The following CDH13 variants were observed in gnomAD, a reference collection of about 807,000 sequenced individuals.
CDH13 encodes cadherin-13.
A neutral mutation model predicts 63.8 loss-of-function variants in CDH13; 24 were observed. The observed-to-expected ratio is 0.38, with a 90% CI of 0.27 to 0.53. The LOEUF is 0.53. Ranked by LOEUF, CDH13 falls within the 20% of genes least tolerant of loss-of-function variation. The pLI is 0.85. For missense variants in CDH13, 1,049 were observed against 903.1 expected (o/e 1.16, Z -2.07); for synonymous variants, 503 against 355.3 (o/e 1.42, Z -4.67).
rs1417908809 is a variant in CDH13 at position 83,032,111 on chromosome 16, A to G, written c.259A>G (p.Ile87Val). The change falls in exon 3 of 14, where the codon ATA becomes GTA. Residue 87 changes from isoleucine to valine, a missense_variant. Coordinates refer to ENST00000567109, the MANE Select transcript of CDH13 (RefSeq NM_001257.5). ...SDGGLVALRN[I>V]TAVGKTLFVH... Reference sequence around the variant, plus strand: ...TGGCGGCTTAGTTGCTCTGAGAAACATAACTGCAGTGGGCAAAACTCTGTT... The same window carrying G: ...TGGCGGCTTAGTTGCTCTGAGAAACGTAACTGCAGTGGGCAAAACTCTGTT... 6.2e-7 allele frequency: 1 copy of G among 1,613,498 alleles called. No homozygotes were observed.
intron 1 of CDH13, among the ~76,000 whole-genome samples, chr16:82,695,224 A>T (rs1046012172): frequency 6.6e-6 from 1 of 152,182 alleles, no homozygotes; most frequent in African/African-American, 2.4e-5. Flanking sequence ...GTGAAGCATC[A>T]ACAGGGAGAT....
intron 1 of CDH13, among the ~76,000 whole-genome samples, chr16:82,643,652 G>C (rs7195146): frequency 0.12 from 18,795 of 152,254 alleles, 1,331 homozygotes; most frequent in African/African-American, 0.18. Context: ...ACCATCTTTT[G>C]CCTCACTGGT....
chr16:83,579,233 G>C (rs950451967), intron 7 of CDH13, among the ~76,000 whole-genome samples: 6 of 152,154 alleles, frequency 3.9e-5, no homozygotes, highest in Non-Finnish European at 7.4e-5. Context: ...GACTAGGGGA[G>C]AGTGAATCAC....
At chr16:83,599,176 T>C (rs1259912921) in intron 7 of CDH13, among the ~76,000 whole-genome samples, 1 of 152,234 alleles carries the variant, frequency 6.6e-6, no homozygotes, top group Non-Finnish European at 1.5e-5. Context: ...ACTCCTGCTA[T>C]AGTTAGTGCT....
intron 8 of CDH13, among the ~76,000 whole-genome samples, chr16:83,613,599 G>T (rs12600057): frequency 6.6e-6 from 1 of 151,976 alleles, no homozygotes. Flanking sequence ...TTGGGAGACC[G>T]GTGGGCAGAT....
chr16:82,984,278 C>A (rs899758082), intron 2 of CDH13, among the ~76,000 whole-genome samples: 4 of 152,202 alleles, frequency 2.6e-5, no homozygotes, highest in African/African-American at 9.6e-5. Flanking sequence ...CCCGGAACCA[C>A]CCCAGACTTG....
At position 83,073,966 on chromosome 16, in the gene CDH13, A is replaced by G. The variant is rs751659449; in HGVS notation, c.366+41748A>G. 6.0e-4 allele frequency among the ~76,000 whole-genome samples: 91 copies of G among 152,286 alleles called. 1 individual carries two copies. The highest frequency in any genetic ancestry group is 9.8e-4 in the Admixed American group (15 of 15,274). On this transcript the variant is annotated intron_variant, in intron 3 of 13. Transcript: ENST00000567109. Reference sequence around the variant, plus strand: ...GGAATTTAGAATATCCATCATCACAATCATTTATCATTTCTATGTGTTGAG... The same window carrying G: ...GGAATTTAGAATATCCATCATCACAGTCATTTATCATTTCTATGTGTTGAG...
intron 2 of CDH13, among the ~76,000 whole-genome samples, chr16:82,885,313 T>C (rs1490714769): frequency 1.3e-5 from 2 of 152,198 alleles, no homozygotes; most frequent in African/African-American, 4.8e-5. Context: ...AAAAAAATCA[T>C]AAAAGATCTG....
intron 7 of CDH13, among the ~76,000 whole-genome samples, chr16:83,585,690 C>T (rs899332578): frequency 4.6e-5 from 7 of 151,862 alleles, no homozygotes; most frequent in Middle Eastern, 3.4e-3. Flanking sequence ...CCATTAGAGA[C>T]TCGGTGGAGA....
chr16:82,639,237 C>G (rs1909080298), intron 1 of CDH13: 1 of 524,066 alleles, frequency 1.9e-6, no homozygotes, highest in East Asian at 3.1e-5. Context: ...TTTTGAGTTC[C>G]TAGTCTCTCA....
At chr16:83,133,129 GC>G (rs2036132286) in intron 4 of CDH13, among the ~76,000 whole-genome samples, 1 of 152,182 alleles carries the variant, frequency 6.6e-6, no homozygotes, top group African/African-American at 2.4e-5. Context: ...TTTAATTGGG[GC>G]TCAAAAAGTA....
intron 4 of CDH13, among the ~76,000 whole-genome samples, chr16:83,215,098 A>G (rs1208453523): frequency 5.5e-4 from 1 of 1,808 alleles, no homozygotes; most frequent in Non-Finnish European, 2.6e-3. Flanking sequence ...TTTTTTTGAG[A>G]TGGAGTCTTA....
At chr16:83,148,579 C>A (rs887606168) in intron 4 of CDH13, among the ~76,000 whole-genome samples, 10 of 152,160 alleles carry the variant, frequency 6.6e-5, no homozygotes, top group African/African-American at 2.4e-4. Context: ...GTGCCTGCCT[C>A]ATAGGATTTT....
chr16:82,838,606 G>T (rs1230168613), intron 1 of CDH13, among the ~76,000 whole-genome samples: 1 of 152,054 alleles, frequency 6.6e-6, no homozygotes. Flanking sequence ...TTCCTCAATT[G>T]TGCCTTCTCT....
intron 5 of CDH13, among the ~76,000 whole-genome samples, chr16:83,310,858 T>A (rs191299637): frequency 1.9e-3 from 296 of 152,298 alleles, no homozygotes; most frequent in Non-Finnish European, 3.7e-3. Flanking sequence ...GGAACCCTCC[T>A]AACAAACCCA....
intron 13 of CDH13, among the ~76,000 whole-genome samples, chr16:83,784,631 CAAAAAA>C (rs575073144): frequency 9.9e-6 from 1 of 101,210 alleles, no homozygotes; most frequent in African/African-American, 3.6e-5. Flanking sequence ...GGCTCTGTCT[CAAAAAA>C]AAAAAAAAAA....
chr16:83,366,861 A>G (rs998496985), intron 6 of CDH13, among the ~76,000 whole-genome samples: 2 of 152,174 alleles, frequency 1.3e-5, no homozygotes, highest in Non-Finnish European at 2.9e-5. Context: ...GATTTATCAC[A>G]TACTGTGCGT....
At chr16:82,882,009 A>G (rs1597889944) in intron 2 of CDH13, among the ~76,000 whole-genome samples, 1 of 152,216 alleles carries the variant, frequency 6.6e-6, no homozygotes, top group Non-Finnish European at 1.5e-5. Context: ...TTAATGTATG[A>G]TTATTTATGT....
chr16:82,671,904 C>G, intron 1 of CDH13, among the ~76,000 whole-genome samples: 1 of 152,172 alleles, frequency 6.6e-6, no homozygotes, highest in South Asian at 2.1e-4. Flanking sequence ...CCCCTGCTGG[C>G]CAGCATCATT....
Sources: gnomAD v4.1 joint callset for allele counts (sites outside exome capture counted in the v4.1 genomes callset) on GRCh38, gnomAD v4.1.1 for gene constraint, MANE v1.5 for transcripts, NCBI Gene and HGNC (gene_info 2026-07-23, HGNC 2026-07-21) for gene names.